The following KCNH8 variants were observed in gnomAD, a reference collection of about 807,000 sequenced individuals.
KCNH8 encodes the protein voltage-gated delayed rectifier potassium channel KCNH8.
A neutral mutation model predicts 103.6 loss-of-function variants in KCNH8; 70 were observed. The observed-to-expected ratio is 0.68, with a 90% confidence interval of 0.56 to 0.82. The LOEUF is 0.82. Ranked by LOEUF, KCNH8 falls within the 40% of genes least tolerant of loss-of-function variation. KCNH8 has a pLI of 0.00. For synonymous variants in KCNH8, 498 were observed against 489.4 expected (o/e 1.02, Z -0.23); for missense variants, 1,217 against 1,329.9 (o/e 0.92, Z 1.32).
At chr3:19,515,773 T>C (rs2068863709) in intron 14 of KCNH8, among the ~76,000 whole-genome samples, 2 of 152,152 alleles carry the variant, frequency 1.3e-5, no homozygotes, top group Non-Finnish European at 2.9e-5. Flanking sequence ...GGAAATGCCA[T>C]GTTGATTGTG....
rs1403114676 is a variant in KCNH8, at chr3:19,432,664, A to G, written c.1178-5500A>G. ...TCAGACACAAATGTATGTCCCACAA[A>G]CCTATTTAAGCCACGAGAAACACTA... On this transcript the variant is annotated intron_variant, in intron 7 of 15. Transcript: ENST00000328405. Among the ~76,000 whole-genome samples, 3 of 152,146 alleles carry G rather than the reference A, an allele frequency of 2.0e-5. No homozygotes were observed. In the East Asian group the frequency reaches 5.8e-4, roughly 29 times the overall value.
chr3:19,299,933 G>A (rs1293242154), intron 3 of KCNH8, among the ~76,000 whole-genome samples: 1 of 151,834 alleles, frequency 6.6e-6, no homozygotes, highest in Admixed American at 6.6e-5. Flanking sequence ...TAAAATAAAG[G>A]AGTGATTTGG....
intron 3 of KCNH8, among the ~76,000 whole-genome samples, chr3:19,283,552 G>A (rs1221039712): frequency 6.6e-6 from 1 of 151,908 alleles, no homozygotes; most frequent in East Asian, 1.9e-4. Context: ...CTCAAGAACA[G>A]TTTTTTCTAT....
intron 5 of KCNH8, among the ~76,000 whole-genome samples, chr3:19,374,474 C>G (rs901141504): frequency 3.3e-5 from 5 of 152,114 alleles, no homozygotes; most frequent in African/African-American, 9.7e-5. Context: ...AGATCTTCCT[C>G]CATCATTTTA....
chr3:19,316,433 T>C (rs191666358), intron 3 of KCNH8, among the ~76,000 whole-genome samples: 2 of 152,166 alleles, frequency 1.3e-5, no homozygotes, highest in African/African-American at 2.4e-5. Flanking sequence ...GATTAAGGAA[T>C]AGAAGCAGGA....
intron 3 of KCNH8, among the ~76,000 whole-genome samples, chr3:19,294,716 A>C (rs1457304554): frequency 6.6e-6 from 1 of 152,238 alleles, no homozygotes; most frequent in African/African-American, 2.4e-5. Flanking sequence ...AATGCAAACT[A>C]GGGTTCATAA....
At chr3:19,293,257 C>G (rs149340525) in intron 3 of KCNH8, among the ~76,000 whole-genome samples, 3 of 152,092 alleles carry the variant, frequency 2.0e-5, no homozygotes, top group African/African-American at 7.2e-5. Context: ...CACTATACCA[C>G]AAGGGGACCT....
At chr3:19,335,181 G>A (rs1046418560) in intron 3 of KCNH8, among the ~76,000 whole-genome samples, 2 of 151,530 alleles carry the variant, frequency 1.3e-5, no homozygotes, top group African/African-American at 4.8e-5. Flanking sequence ...TTATTATAAA[G>A]ACCTTTTTAA....
intron 15 of KCNH8, among the ~76,000 whole-genome samples, chr3:19,529,616 C>T (rs539892021): frequency 2.8e-4 from 42 of 152,266 alleles, no homozygotes; most frequent in African/African-American, 8.9e-4. Flanking sequence ...ATAGCAAGCA[C>T]AGCAGGAAGC....
At chr3:19,346,793 A>G (rs146129704) in intron 4 of KCNH8, 153 of 425,742 alleles carry the variant, frequency 3.6e-4, no homozygotes, top group Non-Finnish European at 4.5e-4. Flanking sequence ...TTTCAAATAT[A>G]AGTTTCCATT....
At chr3:19,376,879 G>C (rs914439324) in intron 5 of KCNH8, among the ~76,000 whole-genome samples, 2 of 152,190 alleles carry the variant, frequency 1.3e-5, no homozygotes, top group African/African-American at 2.4e-5. Flanking sequence ...TGAACAAAGA[G>C]ATGTCCAAAA....
rs530388657 is a variant in KCNH8 at position 19,514,398 on chromosome 3, C to T, written c.2436-924C>T. 2.6e-5 allele frequency among the ~76,000 whole-genome samples: 4 copies of T among 151,812 alleles called. No individual in the cohort carries two copies. The East Asian group carries it at 7.7e-4, about 29-fold the overall frequency. ...CTTAACTCTTCTTCCTAAGTTTATA[C>T]TAAAATTAAACATAATAAATTATAA... On this transcript the variant is annotated intron_variant, in intron 13 of 15. Transcript: ENST00000328405.
intron 7 of KCNH8, among the ~76,000 whole-genome samples, chr3:19,405,590 G>A (rs1420690020): frequency 2.6e-5 from 4 of 151,880 alleles, no homozygotes; most frequent in African/African-American, 9.6e-5. Flanking sequence ...TATCATCGAC[G>A]CTTGATATAC....
intron 1 of KCNH8, among the ~76,000 whole-genome samples, chr3:19,164,666 G>A (rs370729201): frequency 5.3e-5 from 8 of 152,272 alleles, no homozygotes; most frequent in Middle Eastern, 3.4e-3. Context: ...ATGATCATAC[G>A]TGACTTCACT....
At position 19,395,216 on chromosome 3, in the gene KCNH8, C is replaced by T; in HGVS notation, c.1082C>T (p.Ser361Phe). ...HSTIVLTLLM[S>F]MFALLAHWMA... The stretch of plus-strand genomic sequence containing the variant: ...ACTATCGTCCTGACTCTGCTCATGT[C>T]CATGTTTGCACTCCTTGCACACTGG... Residue 361 changes from serine (S) to phenylalanine (F), a missense_variant, in exon 7 of 16, where the codon TCC becomes TTC. By Grantham distance (155) the Ser-to-Phe change is radical (BLOSUM62 -2). This residue lies in a region of KCNH8 where 415 missense variants were observed against 577.4 expected (regional missense o/e 0.72). Transcript: ENST00000328405. 1 of 1,608,984 alleles carries T rather than the reference C, an allele frequency of 6.2e-7. No homozygotes were observed. The highest frequency in any genetic ancestry group is 8.5e-7 in the Non-Finnish European group (1 of 1,177,824).
Position 19,183,170 on chromosome 3 carries a change from G to A in KCNH8, c.76+34375G>A, listed in dbSNP as rs113868298. The stretch of plus-strand genomic sequence containing the variant: ...ACCTTTCCTATTTAATGTTGTACAG[G>A]AAGTTCTAGCCAATGTGCTATAATA... On this transcript the variant is annotated intron_variant, in intron 1 of 15. Transcript: ENST00000328405. 2.9e-3 allele frequency among the ~76,000 whole-genome samples: 444 copies of A among 152,236 alleles called. 5 individuals are homozygous for A. The highest frequency in any genetic ancestry group is 9.7e-3 in the African/African-American group (404 of 41,548).
intron 1 of KCNH8, among the ~76,000 whole-genome samples, chr3:19,152,674 G>T (rs565325521): frequency 6.6e-5 from 10 of 152,320 alleles, no homozygotes; most frequent in African/African-American, 2.4e-4. Flanking sequence ...AGTGGCTCAC[G>T]CCTGTAATCC....
chr3:19,331,063 G>A (rs114758541), intron 3 of KCNH8, among the ~76,000 whole-genome samples: 136 of 151,972 alleles, frequency 8.9e-4, no homozygotes, highest in Non-Finnish European at 1.1e-3. Context: ...TTCTTACAAG[G>A]TAGTATAAAG....
chr3:19,468,162 T>G (rs1301965478), intron 11 of KCNH8, among the ~76,000 whole-genome samples: 8 of 152,256 alleles, frequency 5.3e-5, no homozygotes. Flanking sequence ...TTCTTGCTCA[T>G]GATTAGTTTC....
Sources: gnomAD v4.1 joint callset for allele counts (sites outside exome capture counted in the v4.1 genomes callset) on GRCh38, gnomAD v4.1.1 for gene constraint, gnomAD v4.1.1 regional missense constraint, MANE v1.5 for transcripts, NCBI Gene and HGNC (gene_info 2026-07-23, HGNC 2026-07-21) for gene names.